SLC39A10: variants seen among roughly 807,000 people sequenced by gnomAD.
The protein encoded by SLC39A10 is zinc transporter ZIP10.
Under a neutral mutation model 65.1 loss-of-function variants are expected in SLC39A10, and 13 were observed. The observed-to-expected ratio is 0.20, with a 90% confidence interval of 0.13 to 0.32. SLC39A10 has a LOEUF of 0.32. SLC39A10 is among the 10% of genes least tolerant of loss of function. The pLI is 1.00. For missense variants in SLC39A10, 831 were observed against 1,018.4 expected, an observed-to-expected ratio of 0.82 and a Z score of 2.50; for synonymous variants, 321 against 342.2, an observed-to-expected ratio of 0.94 and a Z score of 0.68.
intron 3 of SLC39A10, among the ~76,000 whole-genome samples, chr2:195,701,338 T>C (rs542381095): frequency 0.043 from 1,163 of 26,810 alleles, 14 homozygotes; most frequent in African/African-American, 0.11. Flanking sequence ...TCTTCTTGAC[T>C]TTTTTTTTTT....
chr2:195,613,710 C>T (rs1048964151), intron 2 of SLC39A10, among the ~76,000 whole-genome samples: 5 of 151,994 alleles, frequency 3.3e-5, no homozygotes, highest in African/African-American at 1.2e-4. Flanking sequence ...TACATTTAAC[C>T]ACAGAAGTGA....
At chr2:195,683,162 T>TG (rs373148877) in intron 2 of SLC39A10, among the ~76,000 whole-genome samples, 3,038 of 151,940 alleles carry the variant, frequency 0.02, 94 homozygotes, top group African/African-American at 0.065. Flanking sequence ...TTACTTTTTT[T>TG]TTTGTTTGTT....
At chr2:195,631,386 A>T (rs1171889237) in intron 2 of SLC39A10, among the ~76,000 whole-genome samples, 4 of 152,184 alleles carry the variant, frequency 2.6e-5, no homozygotes, top group Non-Finnish European at 4.4e-5. Flanking sequence ...CGAAATTGTA[A>T]CATAATTCAT....
upstream of SLC39A10, among the ~76,000 whole-genome samples, chr2:195,656,575 C>T (rs1320187708): frequency 2.0e-5 from 3 of 152,146 alleles, no homozygotes; most frequent in Non-Finnish European, 1.5e-5. Flanking sequence ...GGAAGACCCG[C>T]AGTAAGTGTG....
Position 195,728,207 on chromosome 2 carries a change from T to C in SLC39A10, c.2195T>C (p.Ile732Thr), listed in dbSNP as rs376838025. 6.2e-7 allele frequency: 1 copy of C among 1,613,844 alleles called. No individual in the cohort carries two copies. Among genetic ancestry groups the C allele is most frequent in the African/African-American group, 1.3e-5 (1 of 74,920 alleles). Residue 732 changes from isoleucine (I) to threonine (T), a missense_variant, in exon 9 of 10, where the codon ATT (isoleucine) becomes ACT (threonine). By Grantham distance (89) the Ile-to-Thr change is moderately conservative. Coordinates refer to ENST00000359634, the MANE Select transcript of SLC39A10 (RefSeq NM_020342.3). The surrounding 1 kb of genome is among the most constrained non-coding windows in gnomAD (Gnocchi z 4.4). Reference protein sequence around the residue: ...LKAGMTVKQAIVYNLLSAMMA... With the variant: ...LKAGMTVKQATVYNLLSAMMA... Reference sequence around the variant, plus strand: ...GCAGGCATGACTGTAAAGCAAGCAATTGTATACAACCTCCTCTCTGCCATG... The same window carrying C: ...GCAGGCATGACTGTAAAGCAAGCAACTGTATACAACCTCCTCTCTGCCATG...
intron 1 of SLC39A10, among the ~76,000 whole-genome samples, chr2:195,663,065 G>A (rs1222096574): frequency 3.3e-5 from 5 of 152,150 alleles, no homozygotes; most frequent in Non-Finnish European, 5.9e-5. Flanking sequence ...CCACCGAACT[G>A]TCACACTGTT....
At chr2:195,668,381 G>A (rs1017266643) in intron 1 of SLC39A10, among the ~76,000 whole-genome samples, 1 of 152,210 alleles carries the variant, frequency 6.6e-6, no homozygotes, top group Non-Finnish European at 1.5e-5. Flanking sequence ...TTCACATTAA[G>A]TTTACTTAAA....
intron 3 of SLC39A10, among the ~76,000 whole-genome samples, chr2:195,694,523 G>T: frequency 6.6e-6 from 1 of 152,104 alleles, no homozygotes; most frequent in East Asian, 1.9e-4. Flanking sequence ...GTTCTTCTGG[G>T]TTCAGCCATC....
At chr2:195,619,286 C>G in intron 2 of SLC39A10, among the ~76,000 whole-genome samples, 1 of 152,086 alleles carries the variant, frequency 6.6e-6, no homozygotes, top group South Asian at 2.1e-4. Flanking sequence ...GAATTAAACT[C>G]AGCAGGACTT....
At chr2:195,704,630 C>G (rs1374559722) in intron 3 of SLC39A10, among the ~76,000 whole-genome samples, 2 of 152,296 alleles carry the variant, frequency 1.3e-5, no homozygotes, top group East Asian at 3.9e-4. Flanking sequence ...GACAAACAAA[C>G]TAGCCTGGTG....
chr2:195,654,314 T>C (rs1389496023), upstream of SLC39A10, among the ~76,000 whole-genome samples: 3 of 152,232 alleles, frequency 2.0e-5, no homozygotes, highest in Non-Finnish European at 4.4e-5. Flanking sequence ...TTCTCCTCTG[T>C]AAGAGGGAAA....
chr2:195,689,845 C>T (rs764792097), intron 3 of SLC39A10, among the ~76,000 whole-genome samples: 3 of 152,116 alleles, frequency 2.0e-5, no homozygotes, highest in Non-Finnish European at 4.4e-5. Flanking sequence ...TTTCACTTAG[C>T]ATTATGTCCT....
intron 3 of SLC39A10, among the ~76,000 whole-genome samples, chr2:195,686,618 G>C (rs1036302881): frequency 6.6e-6 from 1 of 152,120 alleles, no homozygotes; most frequent in Non-Finnish European, 1.5e-5. Flanking sequence ...ATTTTTACAA[G>C]GATATTTCTT....
intron 3 of SLC39A10, among the ~76,000 whole-genome samples, chr2:195,687,600 C>A (rs1031310855): frequency 6.6e-6 from 1 of 152,122 alleles, no homozygotes; most frequent in Non-Finnish European, 1.5e-5. Flanking sequence ...GTCAGAAATG[C>A]AGCTTGAATT....
At chr2:195,715,955 G>A (rs115258612) in intron 6 of SLC39A10, among the ~76,000 whole-genome samples, 2,760 of 152,270 alleles carry the variant, frequency 0.018, 76 homozygotes, top group African/African-American at 0.062. Flanking sequence ...ATATTTTGGT[G>A]TATTAAGTTT....
intron 1 of SLC39A10, among the ~76,000 whole-genome samples, chr2:195,660,808 C>T (rs995283230): frequency 2.0e-5 from 3 of 152,106 alleles, no homozygotes; most frequent in African/African-American, 4.8e-5. Context: ...CTGGGCTTCT[C>T]CTTATCTTGA....
intron 3 of SLC39A10, among the ~76,000 whole-genome samples, chr2:195,691,261 G>A (rs903117306): frequency 4.6e-5 from 7 of 151,994 alleles, no homozygotes; most frequent in African/African-American, 1.5e-4. Flanking sequence ...GTATCCACTC[G>A]TTGGTTGATG....
At chr2:195,678,127 C>T (rs1007725586) in intron 1 of SLC39A10, among the ~76,000 whole-genome samples, 4 of 152,144 alleles carry the variant, frequency 2.6e-5, no homozygotes, top group African/African-American at 9.7e-5. Flanking sequence ...TTCTGTTGGG[C>T]ATATACCCCA....
At chr2:195,621,971 G>A (rs376120109) in intron 2 of SLC39A10, among the ~76,000 whole-genome samples, 2 of 152,130 alleles carry the variant, frequency 1.3e-5, no homozygotes, top group East Asian at 3.9e-4. Context: ...TGGTTGTGCC[G>A]GGATTTAGAC....
Sources: allele counts gnomAD v4.1 joint callset (sites outside exome capture counted in the v4.1 genomes callset), GRCh38; gene constraint gnomAD v4.1.1; non-coding constraint Gnocchi (gnomAD v3.1); transcripts MANE v1.5; gene names NCBI Gene and HGNC (gene_info 2026-07-23, HGNC 2026-07-21).